CLEC4A: variants seen among roughly 807,000 people sequenced by gnomAD.
CLEC4A encodes the protein C-type (calcium dependent, carbohydrate-recognition domain) lectin, superfamily member 6.
CLEC4A carries 27 observed loss-of-function variants against 32.7 expected under a neutral mutation model. The ratio of observed to expected loss-of-function variants is 0.83; its 90% CI spans 0.61 to 1.14. The LOEUF (loss-of-function observed/expected upper bound fraction) is 1.14. Ranked by LOEUF, CLEC4A falls within the 50% of genes most tolerant of loss-of-function variation. The probability of loss-of-function intolerance (pLI) is 0.00; values close to 1 mark genes in which losing one functional copy is unlikely to be tolerated. For missense variants in CLEC4A, 253 were observed against 274.6 expected (o/e 0.92, Z 0.55); for synonymous variants, 89 against 93.7 (o/e 0.95, Z 0.29).
chr12:8,128,783 G>T (rs550383333), intron 2 of CLEC4A, among the ~76,000 whole-genome samples: 1 of 152,206 alleles, frequency 6.6e-6, no homozygotes, highest in East Asian at 1.9e-4. Context: ...GTAAGAGCCA[G>T]TTGGGATGGA....
chr12:8,134,225 T>C, intron 3 of CLEC4A: 1 of 1,611,972 alleles, frequency 6.2e-7, no homozygotes, highest in Non-Finnish European at 8.5e-7. Context: ...GTTGTCAGCT[T>C]CCTCCACCCA....
chr12:8,118,722 T>C (rs912743760), upstream of CLEC4A, among the ~76,000 whole-genome samples: 2 of 152,222 alleles, frequency 1.3e-5, no homozygotes, highest in Admixed American at 6.5e-5. Context: ...CTGAGGATTA[T>C]AATTTGATGT....
In CLEC4A at chr12:8,134,979, G is replaced by GTTTTTTTTTTTTTTTTTTTT. The variant is rs1591611840; in HGVS notation, c.299-600_299-599insTTTTTTTTTTTTTTTTTTTT. On this transcript the variant is annotated intron_variant, in intron 3 of 5. Transcript: ENST00000229332. Reference sequence around the variant, plus strand: ...TGTATCTTCTTGTTGAAGCGTTTTTGTTTTTTGTTTTTTTTTAATCATGGC... The same window carrying GTTTTTTTTTTTTTTTTTTTT: ...TGTATCTTCTTGTTGAAGCGTTTTTGTTTTTTTTTTTTTTTTTTTTTTTTTTGTTTTTTTTTAATCATGGC... The GTTTTTTTTTTTTTTTTTTTT allele has an allele frequency of 3.7e-4, 61 of 165,974 alleles. 7 individuals are homozygous for GTTTTTTTTTTTTTTTTTTTT. The highest frequency in any genetic ancestry group is 1.0e-3 in the Admixed American group (4 of 3,956). The allele number at this position is 165,974 out of a possible 1,614,324, so 10.3% of individuals were successfully genotyped here.
chr12:8,135,430 T>C (rs12099836), intron 3 of CLEC4A, among the ~76,000 whole-genome samples, 155 bp from the exon 4 acceptor site: 133,307 of 152,054 alleles, frequency 0.88, 58,690 homozygotes, highest in East Asian at 0.96. Flanking sequence ...CTTGGCTTCC[T>C]TGACACCTGA....
chr12:8,108,989 G>A, the CLEC4A span, among the ~76,000 whole-genome samples: 11 of 152,190 alleles, frequency 7.2e-5, no homozygotes, highest in African/African-American at 2.2e-4. Context: ...ATATTAGCAT[G>A]CGACCACTAG....
chr12:8,118,451 G>C, the CLEC4A span, among the ~76,000 whole-genome samples: 1 of 151,894 alleles, frequency 6.6e-6, no homozygotes, highest in African/African-American at 2.4e-5. Flanking sequence ...GCTTTAATTG[G>C]CTTACAGTTC....
the CLEC4A span, among the ~76,000 whole-genome samples, chr12:8,104,872 A>G: frequency 6.6e-6 from 1 of 152,312 alleles, no homozygotes; most frequent in Admixed American, 6.5e-5. Context: ...TATGGCCTCC[A>G]GCTCTATCTA....
At chr12:8,129,392 G>A in intron 3 of CLEC4A, 30 bp downstream of exon 3, 9 of 1,357,650 alleles carry the variant, frequency 6.6e-6, no homozygotes, top group Non-Finnish European at 8.4e-6. Flanking sequence ...GAATTCAGTT[G>A]CTGAATGTAC....
the CLEC4A span, among the ~76,000 whole-genome samples, chr12:8,108,041 C>G: frequency 3.9e-3 from 595 of 152,268 alleles, 2 homozygotes; most frequent in African/African-American, 0.013. Context: ...AAATTTCCCT[C>G]TTAACAACTG....
chr12:8,137,187 T>C (rs1948136482), intron 5 of CLEC4A, among the ~76,000 whole-genome samples: 1 of 152,242 alleles, frequency 6.6e-6, no homozygotes, highest in Non-Finnish European at 1.5e-5. Context: ...CAGGTGGATC[T>C]TACTGTGCTT....
the CLEC4A span, among the ~76,000 whole-genome samples, chr12:8,104,806 A>G: frequency 6.6e-6 from 1 of 152,102 alleles, no homozygotes; most frequent in African/African-American, 2.4e-5. Flanking sequence ...GATCTCATTC[A>G]CACGTGAGAA....
At chr12:8,115,842 G>T in the CLEC4A span, among the ~76,000 whole-genome samples, 1 of 152,094 alleles carries the variant, frequency 6.6e-6, no homozygotes, top group Non-Finnish European at 1.5e-5. Flanking sequence ...AGGCTGGAGT[G>T]CAGTGACACG....
At chr12:8,113,993 A>C in the CLEC4A span, among the ~76,000 whole-genome samples, 250 of 152,280 alleles carry the variant, frequency 1.6e-3, 1 homozygote, top group Non-Finnish European at 2.1e-3. Context: ...TACAGGGGGC[A>C]TTCGTACTTG....
intron 3 of CLEC4A, chr12:8,134,695 G>A: frequency 1.3e-6 from 2 of 1,574,762 alleles, no homozygotes; most frequent in Non-Finnish European, 1.7e-6. Flanking sequence ...TCAGAGCCTG[G>A]CCCAAACCCC....
the CLEC4A span, among the ~76,000 whole-genome samples, chr12:8,113,850 G>C: frequency 6.6e-6 from 1 of 152,222 alleles, no homozygotes; most frequent in African/African-American, 2.4e-5. Flanking sequence ...CTGAGGAGCT[G>C]TGTAGAATGC....
At chr12:8,122,210 A>C (rs1396340651), upstream of CLEC4A, among the ~76,000 whole-genome samples, 3 of 151,878 alleles carry the variant, frequency 2.0e-5, no homozygotes, top group East Asian at 5.9e-4. Flanking sequence ...TCAGAAACTT[A>C]GCAGGATAAG....
At chr12:8,116,976 A>C in the CLEC4A span, among the ~76,000 whole-genome samples, 1,214 of 152,314 alleles carry the variant, frequency 8.0e-3, 18 homozygotes, top group African/African-American at 0.028. Flanking sequence ...GCTTGAATTC[A>C]ACTGGATTTG....
At chr12:8,114,369 C>A in the CLEC4A span, among the ~76,000 whole-genome samples, 2 of 152,086 alleles carry the variant, frequency 1.3e-5, no homozygotes, top group African/African-American at 2.4e-5. Flanking sequence ...CTCAGCCTCC[C>A]GAGTAGCTGG....
chr12:8,137,225 A>G (rs1292965064), intron 5 of CLEC4A, among the ~76,000 whole-genome samples: 2 of 152,228 alleles, frequency 1.3e-5, no homozygotes, highest in African/African-American at 2.4e-5. Context: ...CTGTCTCTAC[A>G]TAGTGAAAAC....
Sources: allele counts gnomAD v4.1 joint callset (sites outside exome capture counted in the v4.1 genomes callset), GRCh38; gene constraint gnomAD v4.1.1; transcripts MANE v1.5; gene names NCBI Gene and HGNC (gene_info 2026-07-23, HGNC 2026-07-21).